Variants in CEP63 observed in about 807,000 individuals in gnomAD.
CEP63 encodes centrosomal protein of 63 kDa.
CEP63 carries 84 observed loss-of-function variants against 89.1 expected under a neutral mutation model. That is an observed-to-expected ratio of 0.94 (90% confidence interval 0.79 to 1.13). The LOEUF is 1.13. CEP63 is among the 50% of genes most tolerant of loss of function. The pLI is 0.00. For missense variants in CEP63, 838 were observed against 813.3 expected (o/e 1.03, Z -0.37); for synonymous variants, 267 against 272.5 (o/e 0.98, Z 0.20).
chr3:134,498,709 T>C (rs1022510768), intron 2 of CEP63, among the ~76,000 whole-genome samples: 1 of 152,178 alleles, frequency 6.6e-6, no homozygotes, highest in Non-Finnish European at 1.5e-5. Flanking sequence ...ATATGGCCTT[T>C]ATTATGTTGA....
the CEP63 span, among the ~76,000 whole-genome samples, chr3:134,648,461 G>C: frequency 3.9e-5 from 6 of 152,164 alleles, no homozygotes; most frequent in African/African-American, 1.4e-4. Flanking sequence ...AGACTTCAAA[G>C]CTCATTGGGT....
chr3:134,779,992 C>T, the CEP63 span: 9 of 152,214 alleles, frequency 5.9e-5, no homozygotes, highest in Non-Finnish European at 1.2e-4. Flanking sequence ...CTGAGTGATG[C>T]CATACTCCTA....
the CEP63 span, among the ~76,000 whole-genome samples, chr3:134,649,334 T>C: frequency 2.0e-5 from 3 of 152,172 alleles, no homozygotes; most frequent in Non-Finnish European, 4.4e-5. Context: ...GCCTGGTGTT[T>C]CCTGGGCTTC....
chr3:134,760,026 C>T, the CEP63 span, among the ~76,000 whole-genome samples: 1 of 150,992 alleles, frequency 6.6e-6, no homozygotes, highest in Admixed American at 6.6e-5. Context: ...TGGAAATATT[C>T]GTCTGTGTCA....
the CEP63 span, among the ~76,000 whole-genome samples, chr3:134,667,197 A>T: frequency 1.3e-5 from 2 of 152,118 alleles, no homozygotes; most frequent in African/African-American, 4.8e-5. Flanking sequence ...CTTCCAGCTC[A>T]CTTCCCCCCG....
intron 9 of CEP63, among the ~76,000 whole-genome samples, chr3:134,548,807 GTTA>G (rs1361000134): frequency 7.2e-5 from 11 of 152,066 alleles, no homozygotes; most frequent in African/African-American, 2.7e-4. Context: ...GATAGTCTTT[GTTA>G]TTATTGAAGT....
At chr3:134,649,168 G>A in the CEP63 span, among the ~76,000 whole-genome samples, 1 of 152,110 alleles carries the variant, frequency 6.6e-6, no homozygotes, top group African/African-American at 2.4e-5. Flanking sequence ...GGTGAGAAAC[G>A]GCCATCAGAA....
At chr3:134,604,578 T>C in the CEP63 span, 3 of 977,256 alleles carry the variant, frequency 3.1e-6, no homozygotes, top group East Asian at 2.4e-5. Context: ...TCCTGACTTA[T>C]AGAGCTTGTC....
At chr3:134,736,818 TCCC>T in the CEP63 span, among the ~76,000 whole-genome samples, 1 of 152,188 alleles carries the variant, frequency 6.6e-6, no homozygotes, top group Non-Finnish European at 1.5e-5. Flanking sequence ...AGAACATTCA[TCCC>T]AGATAATGGG....
At chr3:134,619,276 G>A in the CEP63 span, 1 of 1,600,532 alleles carries the variant, frequency 6.2e-7, no homozygotes, top group East Asian at 2.2e-5. Context: ...CTATAGGGCA[G>A]GTGAGGGGAT....
In CEP63 at chr3:134,550,167, C is replaced by T; in HGVS notation, c.1287C>T (p.Ile429=). 1 of 1,613,724 alleles carries T rather than the reference C, an allele frequency of 6.2e-7. No homozygotes were observed. The highest frequency in any genetic ancestry group is 8.5e-7 in the Non-Finnish European group (1 of 1,179,634). The change falls in exon 11 of 15, where the codon ATC becomes ATT. Residue 429 remains isoleucine (I), a synonymous_variant. Transcript: ENST00000675561. ...HLTQELHQRD[I]TIASTKGSSS... ...CTCAGGAGTTACATCAGCGAGATAT[C>T]ACTATTGCTTCCACCAAAGGTTCTT...
chr3:134,533,033 G>GGATCACCCTCTCACCTCTGA, intron 5 of CEP63, 133 bp downstream of exon 5: 2 of 894,578 alleles, frequency 2.2e-6, no homozygotes, highest in Non-Finnish European at 3.6e-6. Flanking sequence ...TTTCAGAGGT[G>GGATCACCCTCTCACCTCTGA]AGAGGGTGAT....
At chr3:134,772,490 CTCCCCTCCCCTCT>C in the CEP63 span, among the ~76,000 whole-genome samples, 2 of 151,930 alleles carry the variant, frequency 1.3e-5, no homozygotes, top group Non-Finnish European at 2.9e-5. Context: ...ATCTTCTCAC[CTCCCCTCCCCTCT>C]TCCCCTCCCC....
At chr3:134,718,520 C>A in the CEP63 span, among the ~76,000 whole-genome samples, 7 of 152,172 alleles carry the variant, frequency 4.6e-5, no homozygotes, top group African/African-American at 1.7e-4. Context: ...TTCTCTACAA[C>A]CTAACCCGTT....
chr3:134,567,549 T>C (rs764705800), downstream of CEP63, among the ~76,000 whole-genome samples: 1 of 150,702 alleles, frequency 6.6e-6, no homozygotes, highest in Non-Finnish European at 1.5e-5. Context: ...ACAACACATA[T>C]AGCACAAGCT....
At chr3:134,618,812 C>T in the CEP63 span, among the ~76,000 whole-genome samples, 1 of 152,254 alleles carries the variant, frequency 6.6e-6, no homozygotes, top group African/African-American at 2.4e-5. Flanking sequence ...TTGGCATCTG[C>T]AGTCACTGTC....
At chr3:134,650,450 G>A in the CEP63 span, among the ~76,000 whole-genome samples, 29 of 152,300 alleles carry the variant, frequency 1.9e-4, no homozygotes, top group African/African-American at 6.3e-4. Context: ...TGTGCTGTGG[G>A]GGGGAGCAGG....
chr3:134,524,735 T>G (rs2108847824), intron 3 of CEP63, among the ~76,000 whole-genome samples: 1 of 152,350 alleles, frequency 6.6e-6, no homozygotes, highest in African/African-American at 2.4e-5. Context: ...TGAAGCCTAC[T>G]TGACTGTGGT....
rs183216092 is a variant in CEP63 at position 134,562,598 on chromosome 3, C to T, written c.*1063C>T. 6.6e-6 allele frequency: 1 copy of T among 152,242 alleles called. No individual in the cohort carries two copies. The highest frequency in any genetic ancestry group is 6.5e-5 in the Admixed American group (1 of 15,296). 9.4% of individuals were successfully genotyped at this position (152,242 alleles called of 1,614,324 possible). A position where few individuals can be genotyped will look rare whatever the true frequency, so the allele number is the denominator to read the frequency against. On this transcript the variant is annotated 3_prime_UTR_variant, in exon 15 of 15. Coordinates refer to ENST00000675561, the MANE Select transcript of CEP63 (RefSeq NM_001353108.3). Reference sequence around the variant, plus strand: ...GTATGTTTGCTTCCCTTCACCCAAACACTTCTGGAAAGAGTTGTCTGCAGT... The same window carrying T: ...GTATGTTTGCTTCCCTTCACCCAAATACTTCTGGAAAGAGTTGTCTGCAGT...
Sources: gnomAD v4.1 joint callset for allele counts (sites outside exome capture counted in the v4.1 genomes callset) on GRCh38, gnomAD v4.1.1 for gene constraint, MANE v1.5 for transcripts, NCBI Gene and HGNC (gene_info 2026-07-23, HGNC 2026-07-21) for gene names.